OR56A3: variants seen among roughly 807,000 people sequenced by gnomAD.
OR56A3 encodes the protein olfactory receptor 56A3.
OR56A3 carries 23 observed loss-of-function variants against 17.5 expected under a neutral mutation model. The ratio of observed to expected loss-of-function variants is 1.32; its 90% CI spans 0.95 to 1.87. The LOEUF (loss-of-function observed/expected upper bound fraction) is 1.87. OR56A3 is among the 40% of genes most tolerant of loss of function. OR56A3 has a pLI of 0.00. For synonymous variants in OR56A3, 175 were observed against 150.6 expected, an observed-to-expected ratio of 1.16 and a Z score of -1.19; for missense variants, 366 against 380.1, an observed-to-expected ratio of 0.96 and a Z score of 0.31.
the OR56A3 span, among the ~76,000 whole-genome samples, chr11:5,992,625 C>G: frequency 6.6e-5 from 10 of 152,170 alleles, no homozygotes; most frequent in African/African-American, 2.4e-4. Flanking sequence ...GTGACAAACC[C>G]AAGGGCCTCA....
At chr11:5,957,006 T>G in the OR56A3 span, among the ~76,000 whole-genome samples, 1 of 152,098 alleles carries the variant, frequency 6.6e-6, no homozygotes, top group African/African-American at 2.4e-5. Flanking sequence ...AATAAAAAAT[T>G]AGCCAGACAT....
chr11:5,986,648 T>C, the OR56A3 span: 1 of 1,613,852 alleles, frequency 6.2e-7, no homozygotes, highest in Non-Finnish European at 8.5e-7. Flanking sequence ...TTGGGTGCAG[T>C]GGAGGAGGCC....
intron 2 of OR56A3, 46 bp from the exon 3 acceptor site, chr11:5,947,265 T>C: frequency 7.9e-7 from 1 of 1,265,380 alleles, no homozygotes; most frequent in Non-Finnish European, 1.1e-6. Context: ...TGTGCTATCT[T>C]TGTGTATCAA....
Position 5,944,929 on chromosome 11 carries a change from C to T in OR56A3, c.-190C>T, listed in dbSNP as rs938028700. The T allele has an allele frequency of 1.3e-5, 2 of 152,122 alleles. No homozygotes were observed. Among genetic ancestry groups the T allele is most frequent in the East Asian group, 1.9e-4 (1 of 5,184 alleles). The allele number at this position is 152,122 out of a possible 1,614,324, so 9.4% of individuals were successfully genotyped here. ...AAGAGAGGATCCCTGGAGGAATGCC[C>T]GTCCTCCCTCCACTGACAGCAGCCA... On this transcript the variant is annotated 5_prime_UTR_variant, in exon 2 of 3. Coordinates refer to ENST00000641160, the MANE Select transcript of OR56A3 (RefSeq NM_001003443.3).
the OR56A3 span, among the ~76,000 whole-genome samples, chr11:5,956,581 T>C: frequency 2.0e-5 from 3 of 152,220 alleles, no homozygotes; most frequent in Non-Finnish European, 4.4e-5. Context: ...GAGGTGCCTA[T>C]ACAATGTTTT....
chr11:6,014,217 A>T, the OR56A3 span, among the ~76,000 whole-genome samples: 1 of 152,210 alleles, frequency 6.6e-6, no homozygotes, highest in Non-Finnish European at 1.5e-5. Context: ...CTGAGAAAAA[A>T]ACACAAAAAC....
At chr11:5,960,977 C>T in the OR56A3 span, among the ~76,000 whole-genome samples, 1 of 151,060 alleles carries the variant, frequency 6.6e-6, no homozygotes, top group African/African-American at 2.4e-5. Flanking sequence ...AGGTGAGGAG[C>T]GTCTCTGACC....
At chr11:5,995,635 T>C in the OR56A3 span, among the ~76,000 whole-genome samples, 3 of 152,234 alleles carry the variant, frequency 2.0e-5, no homozygotes, top group Non-Finnish European at 4.4e-5. Context: ...TTTCATGTGT[T>C]TATTGTGTAC....
chr11:5,969,645 C>T, the OR56A3 span, among the ~76,000 whole-genome samples: 1 of 152,180 alleles, frequency 6.6e-6, no homozygotes, highest in Non-Finnish European at 1.5e-5. Flanking sequence ...TCAAAATGTT[C>T]AAGTCTCTCA....
chr11:5,947,726 A>G lies in OR56A3; in HGVS notation c.380A>G (p.Tyr127Cys). The change falls in exon 3 of 3, where the codon TAT becomes TGT. Residue 127 changes from tyrosine (Y) to cysteine (C), a missense_variant. Physicochemically the swap from Tyr to Cys is radical, Grantham distance 194 (BLOSUM62 -2). Coordinates refer to ENST00000641160, the MANE Select transcript of OR56A3 (RefSeq NM_001003443.3). ...CTFMVMAYDRYVAICHPLRYP... is the reference protein window; with the variant it reads ...CTFMVMAYDRCVAICHPLRYP... Reference sequence around the variant, plus strand: ...TTCATGGTCATGGCCTATGATCGTTATGTAGCCATCTGCCACCCACTGAGA... The same window carrying G: ...TTCATGGTCATGGCCTATGATCGTTGTGTAGCCATCTGCCACCCACTGAGA... 1 of 1,614,150 alleles carries G rather than the reference A, an allele frequency of 6.2e-7. No individual in the cohort carries two copies. The highest frequency in any genetic ancestry group is 8.5e-7 in the Non-Finnish European group (1 of 1,180,012).
At chr11:5,962,722 T>C in the OR56A3 span, among the ~76,000 whole-genome samples, 1 of 152,062 alleles carries the variant, frequency 6.6e-6, no homozygotes, top group African/African-American at 2.4e-5. Context: ...GTATTTTTAG[T>C]AGAGATGGGG....
the OR56A3 span, chr11:5,986,579 G>T: frequency 6.2e-7 from 1 of 1,613,980 alleles, no homozygotes; most frequent in Non-Finnish European, 8.5e-7. Context: ...AAGAACATCT[G>T]GATCAGGCAG....
the OR56A3 span, among the ~76,000 whole-genome samples, chr11:6,016,233 G>A: frequency 6.6e-6 from 1 of 152,086 alleles, no homozygotes; most frequent in African/African-American, 2.4e-5. Flanking sequence ...CTTCTGTTTT[G>A]CCTTCCTCCA....
chr11:6,021,043 A>G, the OR56A3 span: 1 of 152,100 alleles, frequency 6.6e-6, no homozygotes, highest in African/African-American at 2.4e-5. Flanking sequence ...TGACAGCCTT[A>G]AAATAAACAT....
At chr11:6,004,248 A>G in the OR56A3 span, among the ~76,000 whole-genome samples, 3 of 152,266 alleles carry the variant, frequency 2.0e-5, no homozygotes, top group Non-Finnish European at 2.9e-5. Flanking sequence ...GCTACTTGGG[A>G]GGCTGAGACA....
At chr11:5,968,188 G>A in the OR56A3 span, 1 of 1,614,230 alleles carries the variant, frequency 6.2e-7, no homozygotes, top group East Asian at 2.2e-5. Flanking sequence ...ATGAACACCT[G>A]AAGGAAGCAG....
the OR56A3 span, among the ~76,000 whole-genome samples, chr11:5,969,958 G>A: frequency 8.7e-4 from 133 of 152,200 alleles, no homozygotes; most frequent in African/African-American, 3.0e-3. Context: ...AAGAAGAGAG[G>A]GTAGAATTCT....
At chr11:6,005,953 C>T in the OR56A3 span, among the ~76,000 whole-genome samples, 1 of 152,168 alleles carries the variant, frequency 6.6e-6, no homozygotes, top group Middle Eastern at 3.4e-3. Context: ...AAAGGCGAAT[C>T]GTGGAAGGTA....
the OR56A3 span, chr11:6,002,396 C>T: frequency 1.9e-6 from 3 of 1,614,198 alleles, no homozygotes; most frequent in Admixed American, 1.7e-5. Context: ...ACTGGTAGAG[C>T]TGATTGAAAG....
Sources: gnomAD v4.1 joint callset for allele counts (sites outside exome capture counted in the v4.1 genomes callset) on GRCh38, gnomAD v4.1.1 for gene constraint, MANE v1.5 for transcripts, NCBI Gene and HGNC (gene_info 2026-07-23, HGNC 2026-07-21) for gene names.